The following CDK13 variants were observed in gnomAD, a reference collection of about 807,000 sequenced individuals.
The protein encoded by CDK13 is cyclin dependent kinase 13.
A neutral mutation model predicts 137.6 loss-of-function variants in CDK13; 40 were observed. The observed-to-expected ratio is 0.29, with a 90% CI of 0.23 to 0.38. CDK13 has a LOEUF of 0.38. CDK13 is among the 10% of genes least tolerant of loss of function. The pLI, the probability that CDK13 is intolerant of heterozygous loss-of-function variation, is 1.00. For synonymous variants in CDK13, 869 were observed against 760.1 expected, an observed-to-expected ratio of 1.14 and a Z score of -2.36; for missense variants, 1,704 against 1,951.8, an observed-to-expected ratio of 0.87 and a Z score of 2.39.
intron 9 of CDK13, chr7:40,068,088 C>CA (rs11380446): frequency 0.56 from 69,539 of 124,158 alleles, 17,734 homozygotes; most frequent in Middle Eastern, 0.71. Flanking sequence ...GAGACTGTCT[C>CA]AAAAAAAAAA....
chr7:40,030,247 GTA>G (rs1785343268), intron 5 of CDK13, among the ~76,000 whole-genome samples: 2 of 107,278 alleles, frequency 1.9e-5, no homozygotes, highest in Non-Finnish European at 3.5e-5. Context: ...GTGTGTGTGT[GTA>G]TATGTGTGTG....
chr7:40,070,166 G>A (rs1786382198), intron 9 of CDK13: 1 of 151,838 alleles, frequency 6.6e-6, no homozygotes, highest in Non-Finnish European at 1.5e-5. Flanking sequence ...CATGAACCCA[G>A]GAGGCAGAGC....
chr7:40,071,833 T>G (rs1786428473), intron 9 of CDK13: 1 of 152,236 alleles, frequency 6.6e-6, no homozygotes, highest in Non-Finnish European at 1.5e-5. Context: ...ATACTGTTGT[T>G]TTCCTTCAAG....
intron 6 of CDK13, among the ~76,000 whole-genome samples, chr7:40,047,036 TC>T (rs1238058713): frequency 1.7e-5 from 2 of 117,578 alleles, no homozygotes; most frequent in African/African-American, 5.6e-5. Flanking sequence ...AAAAAAAAAA[TC>T]TAATAATAGT....
chr7:39,974,693 A>G (rs908839003), intron 1 of CDK13, among the ~76,000 whole-genome samples: 13 of 151,712 alleles, frequency 8.6e-5, no homozygotes, highest in African/African-American at 3.1e-4. Flanking sequence ...CCTCCTATGT[A>G]GCTGGGATTA....
At chr7:39,977,020 A>G (rs1784126466) in intron 1 of CDK13, among the ~76,000 whole-genome samples, 1 of 152,216 alleles carries the variant, frequency 6.6e-6, no homozygotes, top group Non-Finnish European at 1.5e-5. Flanking sequence ...AAGAGTTATC[A>G]TAAGAAGGGT....
intron 5 of CDK13, among the ~76,000 whole-genome samples, chr7:40,044,873 T>C (rs1562746353): frequency 6.6e-6 from 1 of 152,114 alleles, no homozygotes; most frequent in Non-Finnish European, 1.5e-5. Context: ...CCTGACCTCA[T>C]GATCCGCCCA....
At chr7:40,002,972 A>G (rs1038936271) in intron 5 of CDK13, among the ~76,000 whole-genome samples, 2 of 151,634 alleles carry the variant, frequency 1.3e-5, no homozygotes, top group African/African-American at 2.4e-5. Context: ...CCATTTACTC[A>G]GGAGGCTGAG....
chr7:39,997,049 A>G (rs1261655757), intron 2 of CDK13, among the ~76,000 whole-genome samples: 1 of 150,902 alleles, frequency 6.6e-6, no homozygotes, highest in Non-Finnish European at 1.5e-5. Context: ...TTTCAATTTT[A>G]ATGTACAGTT....
At chr7:40,012,327 G>T (rs1015073937) in intron 5 of CDK13, among the ~76,000 whole-genome samples, 1 of 152,172 alleles carries the variant, frequency 6.6e-6, no homozygotes, top group African/African-American at 2.4e-5. Context: ...TAGGTGTGGT[G>T]GCTCATAGCT....
At chr7:40,013,158 A>G (rs1311342423) in intron 5 of CDK13, among the ~76,000 whole-genome samples, 1 of 152,216 alleles carries the variant, frequency 6.6e-6, no homozygotes, top group Non-Finnish European at 1.5e-5. Context: ...TAAGCCAGTC[A>G]CAAAGATAAT....
intron 1 of CDK13, among the ~76,000 whole-genome samples, chr7:39,980,193 T>C (rs1254682763): frequency 6.6e-6 from 1 of 152,154 alleles, no homozygotes; most frequent in Non-Finnish European, 1.5e-5. Flanking sequence ...TAAGAGGTTG[T>C]GGTATGGGAA....
chr7:40,023,732 G>A (rs563623023), intron 5 of CDK13, among the ~76,000 whole-genome samples: 25 of 151,932 alleles, frequency 1.6e-4, no homozygotes, highest in South Asian at 8.3e-4. Context: ...TGATCCGCCC[G>A]CCTCGGCCTC....
Position 39,987,695 on chromosome 7 carries a change from T to C in CDK13, c.1308T>C (p.Ser436=), listed in dbSNP as rs565624818. ...TGTCTAGATCCAGAAGTCGTCATTC[T>C]AGTATTTCTCCTAGCACACTAACTC... ...HRLSRSRSRH[S]SISPSTLTLK... The change falls in exon 2 of 14, where the codon TCT becomes TCC. Residue 436 remains serine (S), a synonymous_variant. Transcript: ENST00000181839. 1.2e-6 allele frequency: 2 copies of C among 1,614,100 alleles called. No individual in the cohort carries two copies. The highest frequency in any genetic ancestry group is 1.7e-6 in the Non-Finnish European group (2 of 1,180,014).
chr7:40,041,125 A>G (rs1385183247), intron 5 of CDK13, among the ~76,000 whole-genome samples: 2 of 152,190 alleles, frequency 1.3e-5, no homozygotes, highest in Non-Finnish European at 2.9e-5. Context: ...TAGGAGTTCA[A>G]GACCAGCCTG....
chr7:39,973,634 T>C (rs1784047597), intron 1 of CDK13, among the ~76,000 whole-genome samples: 1 of 152,232 alleles, frequency 6.6e-6, no homozygotes, highest in Non-Finnish European at 1.5e-5. Flanking sequence ...TATTTATTGC[T>C]TGTGTTTTTT....
At chr7:40,089,125 C>CA (rs1786857397) in intron 12 of CDK13, among the ~76,000 whole-genome samples, 1 of 149,036 alleles carries the variant, frequency 6.7e-6, no homozygotes, top group South Asian at 2.1e-4. Flanking sequence ...TATTTGTGCC[C>CA]AAAATAACTT....
At chr7:39,955,436 T>C (rs1397006752) in intron 1 of CDK13, among the ~76,000 whole-genome samples, 2 of 152,166 alleles carry the variant, frequency 1.3e-5, no homozygotes, top group African/African-American at 4.8e-5. Context: ...GGTTACAATA[T>C]GAAGAATTCT....
intron 1 of CDK13, among the ~76,000 whole-genome samples, chr7:39,958,961 T>C (rs1490058764): frequency 6.6e-6 from 1 of 152,136 alleles, no homozygotes; most frequent in Non-Finnish European, 1.5e-5. Flanking sequence ...TTTTGTTGTT[T>C]TGTATTTTTA....
Sources: gnomAD v4.1 joint callset for allele counts (sites outside exome capture counted in the v4.1 genomes callset) on GRCh38, gnomAD v4.1.1 for gene constraint, MANE v1.5 for transcripts, NCBI Gene and HGNC (gene_info 2026-07-23, HGNC 2026-07-21) for gene names.